SRGAP3: variants seen among roughly 807,000 people sequenced by gnomAD.
SRGAP3 encodes SLIT-ROBO Rho GTPase-activating protein 3.
SRGAP3 carries 39 observed loss-of-function variants against 121.1 expected under a neutral mutation model. The ratio of observed to expected loss-of-function variants is 0.32; its 90% CI spans 0.25 to 0.42. SRGAP3 has a LOEUF of 0.42. Among genes scored for constraint, SRGAP3 ranks in the 10% least tolerant of loss-of-function variants. The pLI is 1.00. For synonymous variants in SRGAP3, 601 were observed against 570.0 expected (o/e 1.05, Z -0.77); for missense variants, 1,213 against 1,470.6 (o/e 0.82, Z 2.86).
chr3:9,224,721 G>A (rs543574337), intron 1 of SRGAP3, among the ~76,000 whole-genome samples: 47 of 152,252 alleles, frequency 3.1e-4, no homozygotes, highest in Non-Finnish European at 5.3e-4. Context: ...GCTGTACCAT[G>A]GATGGCCAGA....
At chr3:9,267,142 T>C (rs556609827) in intron 3 of SRGAP3, among the ~76,000 whole-genome samples, 12 of 152,200 alleles carry the variant, frequency 7.9e-5, no homozygotes, top group South Asian at 2.1e-4. Context: ...TCTGGTCTTG[T>C]TTCTACCCAG....
intron 1 of SRGAP3, among the ~76,000 whole-genome samples, chr3:9,174,285 G>A (rs1447656258): frequency 6.6e-6 from 1 of 152,224 alleles, no homozygotes; most frequent in Non-Finnish European, 1.5e-5. Flanking sequence ...GCACAGCAAT[G>A]TGATATATCT....
At chr3:9,161,424 A>C (rs1221958770) in intron 1 of SRGAP3, among the ~76,000 whole-genome samples, 1 of 152,244 alleles carries the variant, frequency 6.6e-6, no homozygotes, top group Non-Finnish European at 1.5e-5. Flanking sequence ...ACCAAAAAGC[A>C]CAAGACACGT....
At position 9,175,335 on chromosome 3, in the gene SRGAP3, G is replaced by A. The variant is rs534556477; in HGVS notation, c.68-50418C>T. Among the ~76,000 whole-genome samples, 5 of 152,296 alleles carry A rather than the reference G, an allele frequency of 3.3e-5. No individual in the cohort carries two copies. The East Asian group carries it at 5.8e-4, about 18-fold the overall frequency. On this transcript the variant is annotated intron_variant, in intron 1 of 21. Coordinates refer to ENST00000383836, the MANE Select transcript of SRGAP3 (RefSeq NM_014850.4). ...TGCTCTGTCTCCCCTACTAGACGAC[G>A]GGTGTCCTACGAAAAGAGAGCATTT... is the stretch of plus-strand genomic sequence containing the variant.
rs150192638 is a variant in SRGAP3, at chr3:9,116,283, C to T, written c.260+8442G>A. ...TCCTCGGACATCATTTATCTCCTTT[C>T]GCAGCCACACAAAATAAGTCTATTT... On this transcript the variant is annotated intron_variant, in intron 2 of 21. Transcript: ENST00000383836. Among the ~76,000 whole-genome samples the T allele has an allele frequency of 6.6e-5, 10 of 152,290 alleles. No individual in the cohort carries two copies. In the East Asian group the frequency reaches 1.2e-3, roughly 18 times the overall value.
At chr3:9,256,810 T>C in intron 3 of SRGAP3, 1 of 398,560 alleles carries the variant, frequency 2.5e-6, no homozygotes, top group Admixed American at 4.4e-5. Context: ...TGCAACTGCC[T>C]GGGAGAGTCT....
intron 1 of SRGAP3, among the ~76,000 whole-genome samples, chr3:9,230,687 T>C (rs1177555767): frequency 6.6e-6 from 1 of 151,768 alleles, no homozygotes; most frequent in Non-Finnish European, 1.5e-5. Context: ...CTGGGCAAAA[T>C]AGCAAGACGC....
At chr3:8,992,796 A>C in intron 20 of SRGAP3, 110 bp downstream of exon 20, 2 of 1,588,028 alleles carry the variant, frequency 1.3e-6, no homozygotes, top group Non-Finnish European at 1.7e-6. Context: ...TTTGTGGGGA[A>C]CAAGGGGCTG....
At chr3:9,226,547 C>A (rs1226975077) in intron 1 of SRGAP3, among the ~76,000 whole-genome samples, 2 of 152,114 alleles carry the variant, frequency 1.3e-5, no homozygotes, top group Non-Finnish European at 2.9e-5. Flanking sequence ...TAAACGCAGC[C>A]CAGAATCAGA....
rs1294167976 is a variant in SRGAP3, at chr3:8,981,815, T to A, written c.*3704A>T. The stretch of plus-strand genomic sequence containing the variant: ...TTCTTCATTGAATAGAAACCTTTCA[T>A]CCCTTGGGAATCCATCTCTCTCCTG... On this transcript the variant is annotated 3_prime_UTR_variant, in exon 22 of 22. Coordinates refer to ENST00000383836, the MANE Select transcript of SRGAP3 (RefSeq NM_014850.4). 8.7e-6 allele frequency: 2 copies of A among 229,290 alleles called. No individual in the cohort carries two copies. The highest frequency in any genetic ancestry group is 4.4e-5 in the African/African-American group (2 of 45,118). 14.2% of individuals were successfully genotyped at this position (229,290 alleles called of 1,614,324 possible).
chr3:9,069,906 C>T (rs1052096708), intron 4 of SRGAP3, among the ~76,000 whole-genome samples: 1 of 152,092 alleles, frequency 6.6e-6, no homozygotes, highest in Non-Finnish European at 1.5e-5. Context: ...GAGATTGTGC[C>T]ACTGCACTCC....
intron 18 of SRGAP3, among the ~76,000 whole-genome samples, chr3:9,001,913 A>C (rs1295885792): frequency 1.3e-5 from 2 of 152,224 alleles, no homozygotes; most frequent in Non-Finnish European, 2.9e-5. Flanking sequence ...AAATACATGA[A>C]GCAAAAATGG....
intron 1 of SRGAP3, among the ~76,000 whole-genome samples, chr3:9,237,947 T>C (rs1678496403): frequency 6.6e-6 from 1 of 152,172 alleles, no homozygotes; most frequent in Non-Finnish European, 1.5e-5. Flanking sequence ...CTTAGAACTG[T>C]GGTTCTCAAC....
At chr3:9,121,799 C>T (rs1293322410) in intron 2 of SRGAP3, among the ~76,000 whole-genome samples, 1 of 152,188 alleles carries the variant, frequency 6.6e-6, no homozygotes, top group Non-Finnish European at 1.5e-5. Flanking sequence ...AAGGAGCGGA[C>T]AGGAGAGATG....
chr3:9,022,962 A>G (rs1178015120), intron 14 of SRGAP3, among the ~76,000 whole-genome samples: 3 of 152,286 alleles, frequency 2.0e-5, no homozygotes, highest in Admixed American at 1.3e-4. Context: ...ATTGCACATC[A>G]CCCCTGCAAA....
At chr3:9,277,119 A>G (rs1033053711) in intron 3 of SRGAP3, among the ~76,000 whole-genome samples, 1 of 152,252 alleles carries the variant, frequency 6.6e-6, no homozygotes, top group Non-Finnish European at 1.5e-5. Context: ...GTGAGTCAAT[A>G]CATGTCATAA....
intron 3 of SRGAP3, among the ~76,000 whole-genome samples, chr3:9,087,703 C>T (rs767898057): frequency 6.6e-6 from 1 of 152,044 alleles, no homozygotes; most frequent in East Asian, 1.9e-4. Flanking sequence ...ATCACAGAGG[C>T]GGATAGAGTA....
rs372436826 is a variant in SRGAP3, at chr3:9,013,868, G to A, written c.1814-26C>T. 1.8e-5 allele frequency: 29 copies of A among 1,605,826 alleles called. No individual in the cohort carries two copies. In the African/African-American group the frequency reaches 2.0e-4, roughly 11 times the overall value. The stretch of plus-strand genomic sequence containing the variant: ...CTGTAACATAAAGGGGCCTTTCAGC[G>A]TGCCTTTCATCCTCAGAGAGCAAAG... On this transcript the variant is annotated intron_variant, in intron 15 of 21. Coordinates refer to ENST00000383836, the MANE Select transcript of SRGAP3 (RefSeq NM_014850.4).
At chr3:9,242,107 G>A (rs999355019) in intron 1 of SRGAP3, among the ~76,000 whole-genome samples, 4 of 150,466 alleles carry the variant, frequency 2.7e-5, no homozygotes, top group African/African-American at 4.9e-5. Flanking sequence ...AAAGAGGAAG[G>A]AGCGAAAGGG....
Sources: allele counts gnomAD v4.1 joint callset (sites outside exome capture counted in the v4.1 genomes callset), GRCh38; gene constraint gnomAD v4.1.1; transcripts MANE v1.5; gene names NCBI Gene and HGNC (gene_info 2026-07-23, HGNC 2026-07-21).